Variants in MDGA2 observed in about 807,000 individuals in gnomAD.
The protein encoded by MDGA2 is MAM domain containing glycosylphosphatidylinositol anchor 2.
MDGA2 carries 40 observed loss-of-function variants against 117.8 expected under a neutral mutation model. That is an observed-to-expected ratio of 0.34 (90% confidence interval 0.26 to 0.44). The LOEUF (loss-of-function observed/expected upper bound fraction) is 0.44, where lower values mean the gene tolerates loss of function less well. Among genes scored for constraint, MDGA2 ranks in the 20% least tolerant of loss-of-function variants. The pLI, the probability that MDGA2 is intolerant of heterozygous loss-of-function variation, is 1.00. For synonymous variants in MDGA2, 452 were observed against 439.0 expected, an observed-to-expected ratio of 1.03 and a Z score of -0.37; for missense variants, 1,123 against 1,250.6, an observed-to-expected ratio of 0.90 and a Z score of 1.54.
At chr14:47,199,785 T>A (rs552011926) in intron 3 of MDGA2, among the ~76,000 whole-genome samples, 10 of 152,308 alleles carry the variant, frequency 6.6e-5, no homozygotes, top group African/African-American at 2.4e-4. Flanking sequence ...TCAGATCAAT[T>A]TGCAAAGAAT....
At chr14:47,479,666 T>A (rs1035751867) in intron 1 of MDGA2, among the ~76,000 whole-genome samples, 5 of 152,094 alleles carry the variant, frequency 3.3e-5, no homozygotes, top group African/African-American at 1.2e-4. Flanking sequence ...AGGCACTTAG[T>A]GACCTACACA....
chr14:47,286,126 T>A (rs1392359305), intron 2 of MDGA2, among the ~76,000 whole-genome samples: 1 of 152,120 alleles, frequency 6.6e-6, no homozygotes, highest in Non-Finnish European at 1.5e-5. Context: ...TACGTATTTG[T>A]GGAGTACATG....
At chr14:47,555,926 C>G (rs2138787237) in intron 1 of MDGA2, among the ~76,000 whole-genome samples, 1 of 152,306 alleles carries the variant, frequency 6.6e-6, no homozygotes, top group East Asian at 1.9e-4. Context: ...CAAACTGGTT[C>G]TTCAAACAGG....
intron 9 of MDGA2, among the ~76,000 whole-genome samples, chr14:46,929,628 T>TATAC (rs1190826733): frequency 1.2e-4 from 4 of 32,720 alleles, no homozygotes; most frequent in Non-Finnish European, 2.6e-4. Flanking sequence ...TATATATATA[T>TATAC]ATATATATAT....
chr14:47,603,333 T>C (rs1352683399), intron 1 of MDGA2, among the ~76,000 whole-genome samples: 1 of 152,158 alleles, frequency 6.6e-6, no homozygotes, highest in African/African-American at 2.4e-5. Context: ...AATAGATCAG[T>C]CTGCACTACT....
chr14:47,235,758 T>A (rs1468904570), intron 2 of MDGA2, among the ~76,000 whole-genome samples: 3 of 152,170 alleles, frequency 2.0e-5, no homozygotes, highest in Non-Finnish European at 4.4e-5. Context: ...TGCCATTCCC[T>A]GATGGGAGAA....
chr14:46,926,755 T>C (rs12889935), intron 9 of MDGA2, among the ~76,000 whole-genome samples: 82,041 of 151,840 alleles, frequency 0.54, 22,607 homozygotes, highest in South Asian at 0.59. Flanking sequence ...ATCAGGGAAA[T>C]GATATAAATT....
At chr14:47,120,910 T>C (rs909501678) in intron 5 of MDGA2, among the ~76,000 whole-genome samples, 1 of 152,212 alleles carries the variant, frequency 6.6e-6, no homozygotes, top group African/African-American at 2.4e-5. Flanking sequence ...TGCCGAGTTG[T>C]GGTACACATG....
chr14:47,192,713 ACT>A (rs1274408318), intron 3 of MDGA2, among the ~76,000 whole-genome samples: 2 of 152,090 alleles, frequency 1.3e-5, no homozygotes, highest in African/African-American at 4.8e-5. Context: ...ACTGTACAAA[ACT>A]CTGTTGAATT....
chr14:47,108,136 C>A (rs1293550957), intron 5 of MDGA2, among the ~76,000 whole-genome samples: 1 of 151,928 alleles, frequency 6.6e-6, no homozygotes, highest in African/African-American at 2.4e-5. Flanking sequence ...CAGCCACCAA[C>A]TTAAAAAGGA....
rs1238391694 is a variant in MDGA2 at position 47,621,506 on chromosome 14, TAC to T, written c.280+53009_280+53010del. 2.0e-5 allele frequency among the ~76,000 whole-genome samples: 3 copies of T among 152,146 alleles called. 1 individual carries two copies. The highest frequency in any genetic ancestry group is 2.0e-4 in the Admixed American group (3 of 15,272). ...TGATTGGCTTCCCACTCCTTAATAATACATTCTTGCCTCTTTTCATGTAATTC... is the reference window on the plus strand; with the variant it reads ...TGATTGGCTTCCCACTCCTTAATAATATTCTTGCCTCTTTTCATGTAATTC... On this transcript the variant is annotated intron_variant, in intron 1 of 16. Coordinates refer to ENST00000399232, the MANE Select transcript of MDGA2 (RefSeq NM_001113498.3).
At chr14:47,378,145 G>A (rs187696293) in intron 1 of MDGA2, among the ~76,000 whole-genome samples, 4 of 152,170 alleles carry the variant, frequency 2.6e-5, no homozygotes, top group Admixed American at 1.3e-4. Context: ...GCAGCTGAGG[G>A]TCCTGACTGT....
intron 15 of MDGA2, among the ~76,000 whole-genome samples, chr14:46,851,117 C>A (rs1566490515): frequency 1.3e-5 from 2 of 151,770 alleles, no homozygotes; most frequent in Non-Finnish European, 3.0e-5. Flanking sequence ...TCTTAATTTT[C>A]TCAAAAATTT....
At chr14:47,205,067 T>C (rs1399241882) in intron 3 of MDGA2, among the ~76,000 whole-genome samples, 1 of 151,956 alleles carries the variant, frequency 6.6e-6, no homozygotes, top group East Asian at 1.9e-4. Flanking sequence ...TACAGATACA[T>C]AACATACATA....
chr14:47,373,135 C>T (rs1891402131), intron 1 of MDGA2, among the ~76,000 whole-genome samples: 1 of 151,956 alleles, frequency 6.6e-6, no homozygotes, highest in Middle Eastern at 3.5e-3. Flanking sequence ...ATAAACTAGG[C>T]TATTATCTTT....
intron 1 of MDGA2, among the ~76,000 whole-genome samples, chr14:47,414,732 C>T (rs1351657954): frequency 6.6e-6 from 1 of 151,972 alleles, no homozygotes; most frequent in Non-Finnish European, 1.5e-5. Context: ...CTATGTTGAA[C>T]ATTTGATCAT....
Position 46,873,541 on chromosome 14 carries a change from C to G in MDGA2, c.2644G>C (p.Ala882Pro). 6.2e-7 allele frequency: 1 copy of G among 1,612,382 alleles called. No homozygotes were observed. The highest frequency in any genetic ancestry group is 8.5e-7 in the Non-Finnish European group (1 of 1,178,988). Residue 882 changes from alanine (A) to proline (P), a missense_variant, in exon 14 of 17, where the codon GCT becomes CCT. Around this residue, in one of 2 missense-constraint regions of MDGA2, gnomAD observed 890 missense variants for 1,050.3 expected, o/e 0.85. Transcript: ENST00000399232. ...CTGAAAACAGGGCTGAGAAGTCGAG[C>G]CTTTTCGCCTTCCAATCTGGGTCGT... ...TSRPRLEGEK[A>P]RLLSPVFSIA...
intron 2 of MDGA2, among the ~76,000 whole-genome samples, chr14:47,300,263 T>C (rs1889231087): frequency 6.6e-6 from 1 of 152,202 alleles, no homozygotes; most frequent in African/African-American, 2.4e-5. Context: ...ATATGTAATT[T>C]TGTCTACTGA....
At chr14:47,533,237 T>TA (rs1405132741) in intron 1 of MDGA2, among the ~76,000 whole-genome samples, 2 of 152,062 alleles carry the variant, frequency 1.3e-5, no homozygotes. Flanking sequence ...GAAGGAGAAA[T>TA]AAACACCAGG....
Sources: gnomAD v4.1 joint callset for allele counts (sites outside exome capture counted in the v4.1 genomes callset) on GRCh38, gnomAD v4.1.1 for gene constraint, gnomAD v4.1.1 regional missense constraint, MANE v1.5 for transcripts, NCBI Gene and HGNC (gene_info 2026-07-23, HGNC 2026-07-21) for gene names.